The following RNLS variants were observed in gnomAD, a reference collection of about 807,000 sequenced individuals.
The protein encoded by RNLS is renalase.
RNLS carries 39 observed loss-of-function variants against 39.8 expected under a neutral mutation model. The ratio of observed to expected loss-of-function variants is 0.98; its 90% CI spans 0.76 to 1.28. The LOEUF is 1.28. Among genes scored for constraint, RNLS ranks in the 50% most tolerant of loss-of-function variants. The probability of loss-of-function intolerance (pLI) is 0.00; values close to 1 mark genes in which losing one functional copy is unlikely to be tolerated. For missense variants in RNLS, 410 were observed against 413.3 expected (o/e 0.99, Z 0.07); for synonymous variants, 147 against 150.7 (o/e 0.98, Z 0.18).
chr10:88,418,205 T>C (rs1854158653), intron 4 of RNLS, among the ~76,000 whole-genome samples: 1 of 152,104 alleles, frequency 6.6e-6, no homozygotes. Context: ...CTAAATGCTT[T>C]CCCATGTTAT....
chr10:88,450,144 G>A (rs766246877), intron 4 of RNLS, among the ~76,000 whole-genome samples: 1 of 152,098 alleles, frequency 6.6e-6, no homozygotes, highest in Non-Finnish European at 1.5e-5. Context: ...GATACAGGAC[G>A]TAGAAAGGAA....
At chr10:88,555,524 C>G (rs1848820981) in intron 4 of RNLS, among the ~76,000 whole-genome samples, 1 of 152,054 alleles carries the variant, frequency 6.6e-6, no homozygotes, top group African/African-American at 2.4e-5. Flanking sequence ...TGCTCCAGTT[C>G]CCCCTTCACG....
At chr10:88,557,280 A>C (rs1372789051) in intron 4 of RNLS, among the ~76,000 whole-genome samples, 1 of 152,152 alleles carries the variant, frequency 6.6e-6, no homozygotes, top group Non-Finnish European at 1.5e-5. Flanking sequence ...ATTTTAGGAG[A>C]GATCAACATT....
intron 4 of RNLS, among the ~76,000 whole-genome samples, 189 bp from the exon 5 acceptor site, chr10:88,362,914 G>A (rs1288700331): frequency 6.6e-6 from 1 of 152,046 alleles, no homozygotes; most frequent in South Asian, 2.1e-4. Flanking sequence ...ATTAACTTTG[G>A]CAAATTGTTT....
At chr10:88,338,755 TTCC>T (rs921184475) in intron 5 of RNLS, among the ~76,000 whole-genome samples, 1 of 148,800 alleles carries the variant, frequency 6.7e-6, no homozygotes, top group Non-Finnish European at 1.5e-5. Context: ...AAAGCTAGAT[TTCC>T]TTTTTTTTTT....
intron 4 of RNLS, among the ~76,000 whole-genome samples, chr10:88,547,492 T>C (rs1247564351): frequency 6.6e-6 from 1 of 152,212 alleles, no homozygotes; most frequent in Non-Finnish European, 1.5e-5. Context: ...TTAAAGTAAA[T>C]ATATTTCCAA....
intron 4 of RNLS, among the ~76,000 whole-genome samples, chr10:88,372,284 T>C (rs1017125115): frequency 1.3e-5 from 2 of 152,154 alleles, no homozygotes; most frequent in Non-Finnish European, 2.9e-5. Context: ...TAATCCCTGC[T>C]GATTCCCTAT....
intron 4 of RNLS, among the ~76,000 whole-genome samples, chr10:88,480,456 T>C (rs1844090070): frequency 6.6e-6 from 1 of 152,266 alleles, no homozygotes; most frequent in Admixed American, 6.5e-5. Flanking sequence ...AGTCTCACTC[T>C]TGTTGCCTAG....
intron 4 of RNLS, among the ~76,000 whole-genome samples, chr10:88,437,886 G>A (rs973431508): frequency 1.3e-5 from 2 of 152,066 alleles, no homozygotes; most frequent in African/African-American, 4.8e-5. Context: ...CAGCACTTTG[G>A]GAGGCCGAGG....
At chr10:88,575,120 C>A (rs1298992030) in intron 3 of RNLS, among the ~76,000 whole-genome samples, 3 of 76,222 alleles carry the variant, frequency 3.9e-5, no homozygotes, top group African/African-American at 1.8e-4. Context: ...AGGTGTTCTG[C>A]AAAGTATATA....
chr10:88,256,280 C>A, the RNLS span, among the ~76,000 whole-genome samples: 1 of 152,200 alleles, frequency 6.6e-6, no homozygotes, highest in Non-Finnish European at 1.5e-5. Context: ...GCGTACCACC[C>A]GCCTGTCTCA....
At chr10:88,456,428 T>G (rs1842631346) in intron 4 of RNLS, among the ~76,000 whole-genome samples, 1 of 151,816 alleles carries the variant, frequency 6.6e-6, no homozygotes, top group South Asian at 2.1e-4. Context: ...AAAATATGAG[T>G]ATGAGAAAAT....
intron 5 of RNLS, among the ~76,000 whole-genome samples, chr10:88,333,763 C>T (rs1454863581): frequency 6.6e-6 from 1 of 152,100 alleles, no homozygotes; most frequent in Non-Finnish European, 1.5e-5. Context: ...AGAGGTGGGG[C>T]CGTTAGGAGG....
intron 4 of RNLS, among the ~76,000 whole-genome samples, chr10:88,364,903 A>T (rs924655767): frequency 1.3e-5 from 2 of 152,132 alleles, no homozygotes; most frequent in African/African-American, 4.8e-5. Context: ...CCCATTTTTT[A>T]AATAAAAAAA....
intron 4 of RNLS, among the ~76,000 whole-genome samples, chr10:88,465,125 C>T (rs1197569675): frequency 6.6e-6 from 1 of 151,990 alleles, no homozygotes; most frequent in Non-Finnish European, 1.5e-5. Flanking sequence ...ATTGAATACT[C>T]AATAAATATT....
the RNLS span, among the ~76,000 whole-genome samples, chr10:88,180,192 A>G: frequency 1.3e-5 from 2 of 152,200 alleles, no homozygotes; most frequent in African/African-American, 4.8e-5. Context: ...ATACTTTAAA[A>G]CCAAAAGGAG....
At chr10:88,266,377 T>C in the RNLS span, among the ~76,000 whole-genome samples, 1 of 152,162 alleles carries the variant, frequency 6.6e-6, no homozygotes, top group African/African-American at 2.4e-5. Context: ...CAAATGGTAA[T>C]GTCTGGGTCA....
At chr10:88,172,850 T>TTTTTTTG in the RNLS span, among the ~76,000 whole-genome samples, 20 of 43,358 alleles carry the variant, frequency 4.6e-4, 1 homozygote, top group Non-Finnish European at 8.9e-4. Flanking sequence ...TTGTTTTTTT[T>TTTTTTTG]TTTTTTTTTT....
intron 4 of RNLS, among the ~76,000 whole-genome samples, chr10:88,505,008 T>C (rs1341402952): frequency 1.3e-5 from 2 of 151,986 alleles, no homozygotes; most frequent in Admixed American, 6.6e-5. Context: ...CAGCATGATC[T>C]CATCACTTCT....
Sources: gnomAD v4.1 joint callset for allele counts (sites outside exome capture counted in the v4.1 genomes callset) on GRCh38, gnomAD v4.1.1 for gene constraint, MANE v1.5 for transcripts, NCBI Gene and HGNC (gene_info 2026-07-23, HGNC 2026-07-21) for gene names.